VWC2: variants seen among roughly 807,000 people sequenced by gnomAD.
VWC2 encodes brorin.
In VWC2, 14 loss-of-function variants were observed where a neutral mutation model predicts 29.8. The ratio of observed to expected loss-of-function variants is 0.47; its 90% CI spans 0.31 to 0.74. The LOEUF (loss-of-function observed/expected upper bound fraction) is 0.74, where lower values mean the gene tolerates loss of function less well. Among genes scored for constraint, VWC2 ranks in the 30% least tolerant of loss-of-function variants. The pLI is 0.05. For missense variants in VWC2, 457 were observed against 459.8 expected (o/e 0.99, Z 0.05); for synonymous variants, 213 against 199.0 (o/e 1.07, Z -0.59).
chr7:49,780,872 A>AATG (rs1788159323), intron 2 of VWC2, among the ~76,000 whole-genome samples: 1 of 152,220 alleles, frequency 6.6e-6, no homozygotes, highest in African/African-American at 2.4e-5. Context: ...ACTTGCCATT[A>AATG]ACCCCACTGC....
At chr7:49,911,724 C>G (rs1793445622) in intron 3 of VWC2, among the ~76,000 whole-genome samples, 1 of 151,752 alleles carries the variant, frequency 6.6e-6, no homozygotes, top group Non-Finnish European at 1.5e-5. Context: ...TTGTTAAACC[C>G]CATTTCTACA....
chr7:49,903,811 T>C (rs753538622), intron 3 of VWC2, among the ~76,000 whole-genome samples: 18 of 152,120 alleles, frequency 1.2e-4, no homozygotes, highest in Non-Finnish European at 2.4e-4. Flanking sequence ...GGAGGTTTAA[T>C]AGGCAGAAGA....
At chr7:49,815,512 G>T (rs1383054990) in intron 3 of VWC2, among the ~76,000 whole-genome samples, 1 of 152,164 alleles carries the variant, frequency 6.6e-6, no homozygotes, top group Non-Finnish European at 1.5e-5. Flanking sequence ...ATAGAAAAAT[G>T]ATGCCTCATT....
At chr7:49,801,422 C>G (rs1231147487) in intron 2 of VWC2, among the ~76,000 whole-genome samples, 1 of 152,208 alleles carries the variant, frequency 6.6e-6, no homozygotes, top group Non-Finnish European at 1.5e-5. Flanking sequence ...TGCATATGCT[C>G]TTCCTGCTTT....
intron 2 of VWC2, among the ~76,000 whole-genome samples, chr7:49,783,001 G>A (rs189832563): frequency 1.3e-5 from 2 of 152,264 alleles, no homozygotes; most frequent in Non-Finnish European, 1.5e-5. Context: ...GTTCTGCAGA[G>A]TGTGCAGCTC....
intron 3 of VWC2, among the ~76,000 whole-genome samples, chr7:49,875,386 A>AAAAAAC (rs1562746107): frequency 1.3e-5 from 2 of 149,776 alleles, no homozygotes; most frequent in Non-Finnish European, 3.0e-5. Flanking sequence ...AAAAAAAAAA[A>AAAAAAC]AAAAAAAAAA....
intron 3 of VWC2, among the ~76,000 whole-genome samples, chr7:49,841,441 G>T (rs187284009): frequency 6.6e-6 from 1 of 152,264 alleles, no homozygotes; most frequent in Non-Finnish European, 1.5e-5. Context: ...GGAATTTAAG[G>T]TAGGGATTCA....
At chr7:49,837,348 C>T (rs1789687105) in intron 3 of VWC2, among the ~76,000 whole-genome samples, 2 of 152,130 alleles carry the variant, frequency 1.3e-5, no homozygotes, top group Admixed American at 6.5e-5. Flanking sequence ...TTTTGCAAAA[C>T]CTGGTATTAA....
At position 49,843,735 on chromosome 7, in the gene VWC2, G is replaced by A. The variant is rs1291160117; in HGVS notation, c.826+40895G>A. 2.0e-5 allele frequency among the ~76,000 whole-genome samples: 3 copies of A among 152,234 alleles called. No individual in the cohort carries two copies. The East Asian group carries it at 5.8e-4, about 29-fold the overall frequency. On this transcript the variant is annotated intron_variant, in intron 3 of 3. Transcript: ENST00000340652. ...AGAGACAAGGTCATAGAAGCACTGG[G>A]ATGAGAAGCGAAGATTTGAAATGTT...
At chr7:49,787,364 T>G (rs1218454369) in intron 2 of VWC2, among the ~76,000 whole-genome samples, 1 of 152,230 alleles carries the variant, frequency 6.6e-6, no homozygotes, top group African/African-American at 2.4e-5. Context: ...AAAAGAGAGC[T>G]CAATATTTTT....
At chr7:49,811,963 G>A (rs1789020503) in intron 3 of VWC2, among the ~76,000 whole-genome samples, 1 of 152,136 alleles carries the variant, frequency 6.6e-6, no homozygotes, top group African/African-American at 2.4e-5. Context: ...CACAAATGTA[G>A]TATATCCATG....
chr7:49,855,395 A>T (rs150822684), intron 3 of VWC2, among the ~76,000 whole-genome samples: 1 of 151,978 alleles, frequency 6.6e-6, no homozygotes, highest in African/African-American at 2.4e-5. Context: ...CATGACAGGG[A>T]CCTTGTCAGC....
At chr7:49,885,462 G>A (rs78589696) in intron 3 of VWC2, among the ~76,000 whole-genome samples, 7,413 of 151,682 alleles carry the variant, frequency 0.049, 292 homozygotes, top group Middle Eastern at 0.13. Context: ...ACAGATGTAA[G>A]ATAGCAGATT....
chr7:49,776,311 G>C (rs1788053463), intron 2 of VWC2, among the ~76,000 whole-genome samples, 180 bp downstream of exon 2: 1 of 152,202 alleles, frequency 6.6e-6, no homozygotes, highest in Admixed American at 6.5e-5. Flanking sequence ...ATCCTTCCCA[G>C]AGCACTGTGG....
intron 3 of VWC2, among the ~76,000 whole-genome samples, chr7:49,909,825 T>C (rs1483073): frequency 0.74 from 112,026 of 152,112 alleles, 41,463 homozygotes; most frequent in East Asian, 0.89. Context: ...AGTCCAGGGC[T>C]GGGTGCGGCA....
chr7:49,892,977 C>T (rs1792209087), intron 3 of VWC2, among the ~76,000 whole-genome samples: 1 of 152,146 alleles, frequency 6.6e-6, no homozygotes, highest in Non-Finnish European at 1.5e-5. Context: ...TTAATGAAGC[C>T]TGTCCCCAAT....
chr7:49,845,400 T>C (rs1020308675), intron 3 of VWC2, among the ~76,000 whole-genome samples: 1 of 152,230 alleles, frequency 6.6e-6, no homozygotes, highest in Non-Finnish European at 1.5e-5. Context: ...ACACAATCTA[T>C]AATTTCAACA....
At chr7:49,890,967 C>T (rs1792102236) in intron 3 of VWC2, among the ~76,000 whole-genome samples, 1 of 151,444 alleles carries the variant, frequency 6.6e-6, no homozygotes, top group East Asian at 1.9e-4. Context: ...ATAAAAGGAA[C>T]AAAAAAAGAT....
chr7:49,877,339 G>A (rs548088852), intron 3 of VWC2, among the ~76,000 whole-genome samples: 6 of 149,138 alleles, frequency 4.0e-5, no homozygotes, highest in Admixed American at 4.0e-4. Flanking sequence ...GCAGACGCCT[G>A]TAATCCCAGC....
Sources: gnomAD v4.1 joint callset for allele counts (sites outside exome capture counted in the v4.1 genomes callset) on GRCh38, gnomAD v4.1.1 for gene constraint, MANE v1.5 for transcripts, NCBI Gene and HGNC (gene_info 2026-07-23, HGNC 2026-07-21) for gene names.